Variants in PFKP observed in about 807,000 individuals in gnomAD.
PFKP encodes the protein phosphofructokinase, platelet.
A neutral mutation model predicts 94.3 loss-of-function variants in PFKP; 101 were observed. The observed-to-expected ratio is 1.07, with a 90% CI of 0.91 to 1.26. PFKP has a LOEUF of 1.26. Among genes scored for constraint, PFKP ranks in the 50% most tolerant of loss-of-function variants. The probability of loss-of-function intolerance (pLI) is 0.00; values close to 1 mark genes in which losing one functional copy is unlikely to be tolerated. For missense variants in PFKP, 1,145 were observed against 1,103.3 expected, an observed-to-expected ratio of 1.04 and a Z score of -0.53; for synonymous variants, 573 against 432.6, an observed-to-expected ratio of 1.32 and a Z score of -4.03.
intron 3 of PFKP, 128 bp from the exon 4 acceptor site, chr10:3,101,237 T>C: frequency 1.2e-6 from 1 of 818,874 alleles, no homozygotes; most frequent in East Asian, 2.7e-5. Flanking sequence ...AGCTAGTTAC[T>C]AACTCACAAG....
rs539765534 is a variant in PFKP, at chr10:3,094,914, C to G, written c.187-4361C>G. ...AAAAATAGTATTTACTCAGAAGCAG[C>G]AAAGCCCCTACATCTCTGGATGCAG... On this transcript the variant is annotated intron_variant, in intron 2 of 21. Coordinates refer to ENST00000381125, the MANE Select transcript of PFKP (RefSeq NM_002627.5). Among the ~76,000 whole-genome samples the G allele has an allele frequency of 6.6e-5, 10 of 152,330 alleles. No individual in the cohort carries two copies. The East Asian group carries it at 1.7e-3, about 26-fold the overall frequency.
At chr10:3,072,007 G>A (rs1170391516) in intron 1 of PFKP, among the ~76,000 whole-genome samples, 1 of 152,188 alleles carries the variant, frequency 6.6e-6, no homozygotes, top group Non-Finnish European at 1.5e-5. Flanking sequence ...GCGCGTACCT[G>A]CGTCTTCACT....
intron 2 of PFKP, among the ~76,000 whole-genome samples, chr10:3,097,609 C>T (rs1039479412): frequency 3.9e-5 from 6 of 152,118 alleles, no homozygotes; most frequent in African/African-American, 1.4e-4. Context: ...GAGGTGCAGA[C>T]GGGGCTGCCA....
At chr10:3,077,541 C>T (rs1170813475) in intron 1 of PFKP, among the ~76,000 whole-genome samples, 2 of 151,756 alleles carry the variant, frequency 1.3e-5, no homozygotes, top group African/African-American at 2.4e-5. Flanking sequence ...GCTGGGATTA[C>T]AGGCATGAGG....
rs768826551 is a variant in PFKP at position 3,120,027 on chromosome 10, C to A, written c.1666C>A (p.Leu556Met). 6.2e-7 allele frequency: 1 copy of A among 1,614,150 alleles called. No individual in the cohort carries two copies. The highest frequency in any genetic ancestry group is 8.5e-7 in the Non-Finnish European group (1 of 1,180,024). ...TTTCAGCATCGGGGCAGACACCGCC[C>A]TGAACACTATCACCGACGTAAGTCC... ...SDFSIGADTA[L>M]NTITDTCDRI... Residue 556 changes from leucine to methionine, a missense_variant, in exon 16 of 22, where the codon CTG becomes ATG. By Grantham distance (15) the Leu-to-Met change is conservative. Coordinates refer to ENST00000381125, the MANE Select transcript of PFKP (RefSeq NM_002627.5).
In PFKP at chr10:3,108,751, C is replaced by T. The variant is rs752473997; in HGVS notation, c.921C>T (p.His307=). 23 of 1,613,780 alleles carry T rather than the reference C, an allele frequency of 1.4e-5. No homozygotes were observed. The highest frequency in any genetic ancestry group is 3.3e-5 in the Admixed American group (2 of 59,980). Residue 307 remains histidine, a synonymous_variant, in exon 9 of 22, where the codon CAC becomes CAT. Coordinates refer to ENST00000381125, the MANE Select transcript of PFKP (RefSeq NM_002627.5). The stretch of plus-strand genomic sequence containing the variant: ...ACACACGTGTGACCATCCTCGGGCA[C>T]GTGCAGAGAGGAGGGACCCCTTCGG... The part of the protein sequence containing the change: ...GYDTRVTILG[H]VQRGGTPSAF...
chr10:3,135,471 C>A (rs2306314), intron 20 of PFKP, among the ~76,000 whole-genome samples: 36,975 of 152,242 alleles, frequency 0.24, 4,846 homozygotes, highest in East Asian at 0.38. Context: ...TTTCCCTATT[C>A]CACTATTTAG....
chr10:3,068,657 G>A (rs1362936695), intron 1 of PFKP: 105 of 985,204 alleles, frequency 1.1e-4, no homozygotes, highest in Non-Finnish European at 1.2e-4. Context: ...AGGTGGCGGA[G>A]ACTCGGCGCG....
chr10:3,102,897 C>T (rs1676393195), intron 4 of PFKP, among the ~76,000 whole-genome samples: 1 of 152,258 alleles, frequency 6.6e-6, no homozygotes, highest in South Asian at 2.1e-4. Flanking sequence ...GCTTGTCCAC[C>T]TCATCCCGTC....
intron 16 of PFKP, among the ~76,000 whole-genome samples, chr10:3,123,982 T>C (rs1190184845): frequency 2.0e-5 from 3 of 149,812 alleles, no homozygotes; most frequent in Admixed American, 1.3e-4. Context: ...ACAGCTCGCC[T>C]TGTGGTCACC....
intron 16 of PFKP, chr10:3,125,254 G>A (rs1320605180): frequency 1.5e-6 from 2 of 1,304,828 alleles, no homozygotes; most frequent in African/African-American, 1.5e-5. Context: ...GTTGAGGTAA[G>A]AGAACCCCGT....
intron 12 of PFKP, 54 bp downstream of exon 12, chr10:3,113,242 T>C (rs1836440961): frequency 6.3e-7 from 1 of 1,587,020 alleles, no homozygotes; most frequent in Non-Finnish European, 8.6e-7. Flanking sequence ...CCTCCCCTCA[T>C]GGCCTCTGCC....
chr10:3,105,729 G>A (rs1477100789), intron 7 of PFKP, among the ~76,000 whole-genome samples: 2 of 152,230 alleles, frequency 1.3e-5, no homozygotes, highest in Admixed American at 6.5e-5. Flanking sequence ...CTGAGACAGA[G>A]TGAGCCTGGT....
intron 16 of PFKP, chr10:3,129,208 T>G (rs899991554): frequency 1.3e-5 from 2 of 152,208 alleles, no homozygotes; most frequent in Non-Finnish European, 2.9e-5. Context: ...GGCAGACATT[T>G]CACTCTGGGA....
At position 3,118,797 on chromosome 10, in the gene PFKP, G is replaced by A; in HGVS notation, c.1458G>A (p.Lys486=). 6.2e-7 allele frequency: 1 copy of A among 1,613,442 alleles called. No homozygotes were observed. The highest frequency in any genetic ancestry group is 8.5e-7 in the Non-Finnish European group (1 of 1,179,556). Residue 486 remains lysine (K), a synonymous_variant, in exon 15 of 22, where the codon AAG becomes AAA. Coordinates refer to ENST00000381125, the MANE Select transcript of PFKP (RefSeq NM_002627.5). ...ILGTKRVLPG[K]YLEEIATQMR... is the part of the protein sequence containing the mutation. ...CTATTTTCAGCGTTCTCCCGGGGAA[G>A]TACTTGGAAGAGATCGCCACACAGA...
intron 19 of PFKP, 149 bp from the exon 20 acceptor site, chr10:3,134,334 G>T: frequency 1.6e-6 from 1 of 609,890 alleles, no homozygotes. Context: ...GCCAAGTTCA[G>T]GCTACGGGAA....
At chr10:3,093,886 G>GC (rs947463141) in intron 2 of PFKP, among the ~76,000 whole-genome samples, 1 of 152,012 alleles carries the variant, frequency 6.6e-6, no homozygotes, top group African/African-American at 2.4e-5. Context: ...CTTGTGATCC[G>GC]CCCGCCTTGG....
chr10:3,103,846 C>T lies in PFKP; in HGVS notation c.522C>T (p.Ile174=), dbSNP rs79051586. 2,669 of 1,614,006 alleles carry T rather than the reference C, an allele frequency of 1.7e-3. 17 individuals are homozygous for T. In the African/African-American group the frequency reaches 0.023, roughly 14 times the overall value. The change falls in exon 5 of 22, where the codon ATC becomes ATT. Residue 174 remains isoleucine (I), a synonymous_variant. Coordinates refer to ENST00000381125, the MANE Select transcript of PFKP (RefSeq NM_002627.5). ...YLNVVGMVGS[I]DNDFCGTDMT... is the part of the protein sequence containing the mutation. Reference sequence around the variant, plus strand: ...ACGTGGTGGGCATGGTGGGCTCCATCGACAATGATTTCTGCGGCACCGACA... The same window carrying T: ...ACGTGGTGGGCATGGTGGGCTCCATTGACAATGATTTCTGCGGCACCGACA...
chr10:3,134,574 G>A lies in PFKP; in HGVS notation c.2114G>A (p.Arg705Gln), dbSNP rs200067284. 65 of 1,610,458 alleles carry A rather than the reference G, an allele frequency of 4.0e-5. No homozygotes were observed. The highest frequency in any genetic ancestry group is 1.8e-4 in the East Asian group (8 of 44,864). ...EWITAKLKEA[R>Q]GRGKKFTTDD... ...ATCACTGCAAAACTCAAGGAGGCCC[G>A]GGGCAGAGGTAAGGGGTCTGGGGAG... The change falls in exon 20 of 22, where the codon CGG becomes CAG. Residue 705 changes from arginine to glutamine, a missense_variant. By Grantham distance (43) the Arg-to-Gln change is conservative (BLOSUM62 1). Transcript: ENST00000381125.
Sources: allele counts gnomAD v4.1 joint callset (sites outside exome capture counted in the v4.1 genomes callset), GRCh38; gene constraint gnomAD v4.1.1; transcripts MANE v1.5; gene names NCBI Gene and HGNC (gene_info 2026-07-23, HGNC 2026-07-21).